Variants in COL22A1 observed in about 807,000 individuals in gnomAD.
The protein encoded by COL22A1 is collagen type XXII alpha 1 chain.
COL22A1 carries 221 observed loss-of-function variants against 248.9 expected under a neutral mutation model. That is an observed-to-expected ratio of 0.89 (90% confidence interval 0.80 to 0.99). COL22A1 has a LOEUF of 0.99. COL22A1 is among the 50% of genes least tolerant of loss of function. The pLI, the probability that COL22A1 is intolerant of heterozygous loss-of-function variation, is 0.00. For synonymous variants in COL22A1, 891 were observed against 793.4 expected, an observed-to-expected ratio of 1.12 and a Z score of -2.07; for missense variants, 2,240 against 2,179.0, an observed-to-expected ratio of 1.03 and a Z score of -0.56.
intron 47 of COL22A1, among the ~76,000 whole-genome samples, chr8:138,642,428 G>A (rs1463322889): frequency 6.6e-6 from 1 of 152,156 alleles, no homozygotes; most frequent in Non-Finnish European, 1.5e-5. Flanking sequence ...ATCATGCAGG[G>A]TTAGATCACA....
At chr8:138,791,589 C>A (rs946982224) in intron 12 of COL22A1, among the ~76,000 whole-genome samples, 3 of 152,184 alleles carry the variant, frequency 2.0e-5, no homozygotes. Context: ...ATTTGTTTAG[C>A]AAACCACCCC....
chr8:138,655,793 T>C (rs772925498), intron 45 of COL22A1, 104 bp downstream of exon 45: 66 of 956,930 alleles, frequency 6.9e-5, no homozygotes, highest in Non-Finnish European at 1.1e-4. Context: ...TTATCGTTAA[T>C]ACTACCAAAT....
intron 9 of COL22A1, 67 bp from the exon 10 acceptor site, chr8:138,807,879 T>C (rs897107792): frequency 1.9e-5 from 29 of 1,514,406 alleles, no homozygotes; most frequent in Non-Finnish European, 2.3e-5. Flanking sequence ...CAACACTGGA[T>C]GGTAATCCAC....
At chr8:138,882,487 G>A (rs1044092631) in intron 2 of COL22A1, among the ~76,000 whole-genome samples, 2 of 129,402 alleles carry the variant, frequency 1.5e-5, no homozygotes, top group African/African-American at 6.1e-5. Context: ...ACACTCCCTC[G>A]AACTCCTCAC....
At chr8:138,854,259 CA>C (rs1040981199) in intron 3 of COL22A1, among the ~76,000 whole-genome samples, 4 of 152,168 alleles carry the variant, frequency 2.6e-5, no homozygotes, top group African/African-American at 9.7e-5. Context: ...CCTGGGTGTC[CA>C]CCATCTGCTG....
At chr8:138,779,331 T>C (rs1020754026) in intron 14 of COL22A1, among the ~76,000 whole-genome samples, 178 bp downstream of exon 14, 4 of 152,184 alleles carry the variant, frequency 2.6e-5, no homozygotes, top group Non-Finnish European at 4.4e-5. Flanking sequence ...AAGTATGATA[T>C]AAATACATTT....
At chr8:138,702,441 T>A (rs1192015930) in intron 31 of COL22A1, among the ~76,000 whole-genome samples, 1 of 152,032 alleles carries the variant, frequency 6.6e-6, no homozygotes, top group East Asian at 1.9e-4. Context: ...CAAATGGGAT[T>A]TCTGAGTGCA....
At chr8:138,831,204 G>T (rs989341366) in intron 5 of COL22A1, among the ~76,000 whole-genome samples, 2 of 152,066 alleles carry the variant, frequency 1.3e-5, no homozygotes, top group African/African-American at 4.8e-5. Context: ...AAAACAAAAA[G>T]GATCACACAC....
intron 49 of COL22A1, among the ~76,000 whole-genome samples, chr8:138,634,379 G>T (rs1031082035): frequency 6.6e-6 from 1 of 152,114 alleles, no homozygotes; most frequent in African/African-American, 2.4e-5. Flanking sequence ...CCAGGGGACT[G>T]GTCCTGGGCT....
intron 17 of COL22A1, among the ~76,000 whole-genome samples, chr8:138,761,587 ATAT>A (rs1426492533): frequency 1.4e-5 from 2 of 140,438 alleles, no homozygotes; most frequent in Admixed American, 6.9e-5. Context: ...ATTAACATAT[ATAT>A]TTTATCTATG....
chr8:138,608,440 G>A (rs751107318), intron 56 of COL22A1, among the ~76,000 whole-genome samples: 10 of 152,030 alleles, frequency 6.6e-5, no homozygotes, highest in African/African-American at 9.7e-5. Context: ...TGTACTCCCC[G>A]ACTAAGGAGA....
chr8:138,691,373 A>G (rs1166062175), intron 35 of COL22A1, among the ~76,000 whole-genome samples: 2 of 148,864 alleles, frequency 1.3e-5, no homozygotes, highest in African/African-American at 2.5e-5. Flanking sequence ...GTGTGTATGC[A>G]TGTGCATGTG....
intron 3 of COL22A1, among the ~76,000 whole-genome samples, chr8:138,854,160 A>T (rs1445835661): frequency 6.6e-6 from 1 of 152,090 alleles, no homozygotes. Context: ...TGCCATCGTG[A>T]CTGTGGGATG....
chr8:138,890,786 G>A (rs1402534744), intron 1 of COL22A1, among the ~76,000 whole-genome samples: 1 of 152,014 alleles, frequency 6.6e-6, no homozygotes, highest in Admixed American at 6.6e-5. Flanking sequence ...GCCAAGGCAG[G>A]CAGATTGCCT....
Position 138,826,683 on chromosome 8 carries a change from A to G in COL22A1, c.944T>C (p.Val315Ala), listed in dbSNP as rs1257668172. The G allele has an allele frequency of 6.2e-7, 1 of 1,613,924 alleles. No individual in the cohort carries two copies. The change falls in exon 6 of 65, where the codon GTC becomes GCC. Residue 315 changes from valine to alanine, a missense_variant. By Grantham distance (64) the Val-to-Ala change is moderately conservative (BLOSUM62 0). Coordinates refer to ENST00000303045, the MANE Select transcript of COL22A1 (RefSeq NM_152888.3). ...CTGTGGGATGCTGTACTGGTCGATGACCTGCCAGATATACCAGTCTTCCTT... is the reference window on the plus strand; with the variant it reads ...CTGTGGGATGCTGTACTGGTCGATGGCCTGCCAGATATACCAGTCTTCCTT... ...SRKEDWYIWQ[V>A]IDQYSIPQVS...
intron 32 of COL22A1, among the ~76,000 whole-genome samples, chr8:138,698,828 G>A (rs1231771049): frequency 2.0e-5 from 3 of 152,170 alleles, no homozygotes; most frequent in Non-Finnish European, 4.4e-5. Flanking sequence ...CCGCCCTGCG[G>A]GTGAGGGAGG....
chr8:138,823,070 C>G (rs377199410), intron 6 of COL22A1, among the ~76,000 whole-genome samples: 1 of 152,220 alleles, frequency 6.6e-6, no homozygotes, highest in South Asian at 2.1e-4. Context: ...TACATCTAAA[C>G]CAATGAATCA....
chr8:138,637,204 G>C (rs1209729358), intron 47 of COL22A1, among the ~76,000 whole-genome samples: 1 of 152,122 alleles, frequency 6.6e-6, no homozygotes, highest in Non-Finnish European at 1.5e-5. Context: ...TAGAGAAAAG[G>C]GTCAGTTAAA....
At chr8:138,908,070 A>T (rs1815159687) in intron 1 of COL22A1, among the ~76,000 whole-genome samples, 1 of 152,182 alleles carries the variant, frequency 6.6e-6, no homozygotes, top group Admixed American at 6.5e-5. Flanking sequence ...AGGCTCATTC[A>T]TGCCATAAAC....
Sources: gnomAD v4.1 joint callset for allele counts (sites outside exome capture counted in the v4.1 genomes callset) on GRCh38, gnomAD v4.1.1 for gene constraint, MANE v1.5 for transcripts, NCBI Gene and HGNC (gene_info 2026-07-23, HGNC 2026-07-21) for gene names.